FARS2: variants seen among roughly 807,000 people sequenced by gnomAD.
The protein encoded by FARS2 is phenylalanine--tRNA ligase, mitochondrial.
A neutral mutation model predicts 46.4 loss-of-function variants in FARS2; 40 were observed. The ratio of observed to expected loss-of-function variants is 0.86; its 90% CI spans 0.67 to 1.12. The LOEUF is 1.12. FARS2 is among the 50% of genes most tolerant of loss of function. The pLI, the probability that FARS2 is intolerant of heterozygous loss-of-function variation, is 0.00. For synonymous variants in FARS2, 234 were observed against 214.9 expected (o/e 1.09, Z -0.78); for missense variants, 513 against 567.9 (o/e 0.90, Z 0.98).
the FARS2 span, among the ~76,000 whole-genome samples, chr6:5,255,575 G>A: frequency 2.6e-5 from 4 of 151,966 alleles, no homozygotes; most frequent in East Asian, 1.9e-4. Flanking sequence ...ATTTAAGAAC[G>A]TAAAAGGCCT....
chr6:5,439,945 G>A (rs1763748772), intron 4 of FARS2, among the ~76,000 whole-genome samples: 1 of 152,074 alleles, frequency 6.6e-6, no homozygotes, highest in African/African-American at 2.4e-5. Flanking sequence ...ATACACGTCA[G>A]CCTTATGTGT....
intron 2 of FARS2, among the ~76,000 whole-genome samples, chr6:5,370,053 C>T (rs917784623): frequency 6.6e-6 from 1 of 152,158 alleles, no homozygotes; most frequent in Non-Finnish European, 1.5e-5. Context: ...TTAGCAATGT[C>T]CCTTCCAGAC....
intron 1 of FARS2, among the ~76,000 whole-genome samples, chr6:5,329,579 T>C (rs973916044): frequency 6.6e-6 from 1 of 152,182 alleles, no homozygotes; most frequent in African/African-American, 2.4e-5. Context: ...CTAAAAACTG[T>C]CTCAAGATTA....
intron 1 of FARS2, among the ~76,000 whole-genome samples, chr6:5,316,398 A>G (rs111716570): frequency 2.0e-5 from 3 of 152,368 alleles, no homozygotes; most frequent in African/African-American, 4.8e-5. Context: ...ATGAGACAAC[A>G]TGTAAAGAGC....
intron 1 of FARS2, among the ~76,000 whole-genome samples, chr6:5,279,369 C>T (rs1268167525): frequency 5.0e-5 from 4 of 80,666 alleles, no homozygotes; most frequent in Non-Finnish European, 9.5e-5. Context: ...AGCAAGACTC[C>T]CTCTCAAAAA....
chr6:5,521,424 T>C (rs964388470), intron 4 of FARS2, among the ~76,000 whole-genome samples: 3 of 151,772 alleles, frequency 2.0e-5, no homozygotes, highest in Admixed American at 6.6e-5. Context: ...ACTGTGAATG[T>C]ATAAAGGGAA....
intron 1 of FARS2, among the ~76,000 whole-genome samples, chr6:5,286,857 A>C (rs879137328): frequency 6.6e-6 from 1 of 152,266 alleles, no homozygotes; most frequent in East Asian, 1.9e-4. Flanking sequence ...TTTCCATGTT[A>C]ATTTTGGTGC....
chr6:5,746,911 T>A (rs184613964), intron 6 of FARS2, among the ~76,000 whole-genome samples: 1 of 152,144 alleles, frequency 6.6e-6, no homozygotes, highest in Non-Finnish European at 1.5e-5. Flanking sequence ...GAAACATATG[T>A]AGGACCTTTA....
chr6:5,341,215 A>ATATATATC (rs1771573915), intron 1 of FARS2, among the ~76,000 whole-genome samples: 5 of 8,420 alleles, frequency 5.9e-4, no homozygotes, highest in African/African-American at 2.4e-3. Flanking sequence ...ATATATATAT[A>ATATATATC]TATATATATA....
intron 5 of FARS2, among the ~76,000 whole-genome samples, chr6:5,553,157 C>T (rs898102295): frequency 1.3e-5 from 2 of 151,966 alleles, no homozygotes; most frequent in African/African-American, 4.8e-5. Context: ...ATCTTTTTTG[C>T]CAGTTGAAGG....
intron 5 of FARS2, among the ~76,000 whole-genome samples, chr6:5,582,383 G>A (rs1234935444): frequency 6.6e-6 from 1 of 152,186 alleles, no homozygotes; most frequent in Non-Finnish European, 1.5e-5. Flanking sequence ...ACTTACCTAT[G>A]TTAAGTACTT....
At chr6:5,292,766 G>A (rs975042613) in intron 1 of FARS2, among the ~76,000 whole-genome samples, 2 of 152,140 alleles carry the variant, frequency 1.3e-5, no homozygotes, top group African/African-American at 4.8e-5. Context: ...GTGTATAATT[G>A]GCAATTCAAG....
intron 6 of FARS2, among the ~76,000 whole-genome samples, chr6:5,655,289 G>GA (rs1777556663): frequency 6.6e-6 from 1 of 152,202 alleles, no homozygotes; most frequent in South Asian, 2.1e-4. Context: ...CTTGGTGTTT[G>GA]AGCAGTAATC....
intron 1 of FARS2, among the ~76,000 whole-genome samples, chr6:5,288,256 C>T (rs1339609215): frequency 6.6e-6 from 1 of 152,146 alleles, no homozygotes; most frequent in Non-Finnish European, 1.5e-5. Context: ...TGTTTGTAGT[C>T]AATAGCTTGA....
chr6:5,425,751 T>A (rs150479600), intron 3 of FARS2, among the ~76,000 whole-genome samples: 252 of 152,354 alleles, frequency 1.7e-3, no homozygotes, highest in Middle Eastern at 0.014. Flanking sequence ...ACTTGAGTGA[T>A]TGCTTCTGGA....
intron 6 of FARS2, among the ~76,000 whole-genome samples, chr6:5,661,497 G>C (rs1777850801): frequency 6.6e-6 from 1 of 152,176 alleles, no homozygotes; most frequent in Non-Finnish European, 1.5e-5. Flanking sequence ...GCCAGATAGA[G>C]GAGAGCAAAT....
At chr6:5,291,781 ATAT>A (rs1767524086) in intron 1 of FARS2, among the ~76,000 whole-genome samples, 1 of 152,122 alleles carries the variant, frequency 6.6e-6, no homozygotes, top group Non-Finnish European at 1.5e-5. Flanking sequence ...AAAGAATTAA[ATAT>A]TGAATATATT....
intron 5 of FARS2, among the ~76,000 whole-genome samples, chr6:5,561,126 G>A (rs1000285094): frequency 7.9e-5 from 12 of 152,074 alleles, no homozygotes; most frequent in South Asian, 2.1e-4. Context: ...ACAAGCCTCC[G>A]TCTCAAAAAC....
intron 6 of FARS2, among the ~76,000 whole-genome samples, chr6:5,758,961 A>G (rs774559324): frequency 1.3e-5 from 2 of 150,364 alleles, no homozygotes; most frequent in Non-Finnish European, 2.9e-5. Flanking sequence ...GGGCAGAGAG[A>G]TTGGGGTTCT....
Sources: allele counts gnomAD v4.1 joint callset (sites outside exome capture counted in the v4.1 genomes callset), GRCh38; gene constraint gnomAD v4.1.1; transcripts MANE v1.5; gene names NCBI Gene and HGNC (gene_info 2026-07-23, HGNC 2026-07-21).